MAD1L1: variants seen among roughly 807,000 people sequenced by gnomAD.
The protein encoded by MAD1L1 is mitotic spindle assembly checkpoint protein MAD1.
MAD1L1 carries 95 observed loss-of-function variants against 96.9 expected under a neutral mutation model. The observed-to-expected ratio is 0.98, with a 90% CI of 0.83 to 1.16. The LOEUF (loss-of-function observed/expected upper bound fraction) is 1.16. MAD1L1 is among the 50% of genes most tolerant of loss of function. The pLI is 0.00. For missense variants in MAD1L1, 1,007 were observed against 954.4 expected (o/e 1.06, Z -0.73); for synonymous variants, 473 against 396.6 (o/e 1.19, Z -2.29).
chr7:1,873,206 T>C (rs1444491370), intron 18 of MAD1L1, among the ~76,000 whole-genome samples: 2 of 152,136 alleles, frequency 1.3e-5, no homozygotes, highest in African/African-American at 4.8e-5. Flanking sequence ...CCACCGTAAA[T>C]GTGTGCAGGG....
chr7:1,927,093 G>C (rs1789131036), intron 17 of MAD1L1, among the ~76,000 whole-genome samples: 1 of 152,050 alleles, frequency 6.6e-6, no homozygotes, highest in African/African-American at 2.4e-5. Context: ...CTGAACACCT[G>C]GGACCCATAA....
chr7:2,176,449 T>C (rs1389515763), intron 10 of MAD1L1, among the ~76,000 whole-genome samples: 1 of 152,200 alleles, frequency 6.6e-6, no homozygotes, highest in Non-Finnish European at 1.5e-5. Flanking sequence ...TTTCACGTCG[T>C]ACCAGAGGTC....
At chr7:1,867,543 G>C (rs1784835890) in intron 18 of MAD1L1, among the ~76,000 whole-genome samples, 1 of 152,258 alleles carries the variant, frequency 6.6e-6, no homozygotes, top group Non-Finnish European at 1.5e-5. Flanking sequence ...TGTGCAGTGA[G>C]TAGGAGCGAG....
intron 12 of MAD1L1, among the ~76,000 whole-genome samples, chr7:2,028,135 A>G (rs1484399870): frequency 6.6e-6 from 1 of 152,142 alleles, no homozygotes; most frequent in Non-Finnish European, 1.5e-5. Context: ...GAAAATAAGT[A>G]TGACCTAAGG....
rs545028982 is a variant in MAD1L1, at chr7:2,006,828, C to A, written c.1360-4707G>T. Among the ~76,000 whole-genome samples, 20 of 152,282 alleles carry A rather than the reference C, an allele frequency of 1.3e-4. No homozygotes were observed. In the East Asian group the frequency reaches 3.9e-3, roughly 29 times the overall value. On this transcript the variant is annotated intron_variant, in intron 13 of 18. Coordinates refer to ENST00000265854, the MANE Select transcript of MAD1L1 (RefSeq NM_001013836.2). ...GCTTTGGGGGACAGGCTCTCATGGG[C>A]TCCAAAATGCGCTAGAACTTCTCCT...
chr7:1,923,532 C>A (rs543527748), intron 17 of MAD1L1, among the ~76,000 whole-genome samples: 1 of 152,276 alleles, frequency 6.6e-6, no homozygotes, highest in African/African-American at 2.4e-5. Flanking sequence ...GGCAATCCTG[C>A]GGAGGTACAG....
chr7:2,120,696 G>T (rs1436644872), intron 11 of MAD1L1, among the ~76,000 whole-genome samples: 1 of 152,254 alleles, frequency 6.6e-6, no homozygotes, highest in Admixed American at 6.5e-5. Context: ...ATAATTATCT[G>T]AGAGTATCAC....
At chr7:2,180,558 A>C (rs752558145) in intron 10 of MAD1L1, among the ~76,000 whole-genome samples, 13 of 152,234 alleles carry the variant, frequency 8.5e-5, no homozygotes, top group Non-Finnish European at 1.5e-4. Flanking sequence ...GAGGTTTTGT[A>C]ATAAAAATAG....
intron 16 of MAD1L1, among the ~76,000 whole-genome samples, 175 bp from the exon 17 acceptor site, chr7:1,937,072 G>C (rs1778655208): frequency 6.6e-6 from 1 of 152,362 alleles, no homozygotes; most frequent in South Asian, 2.1e-4. Flanking sequence ...CCTGGAAGGA[G>C]TGGCTCCTTC....
At chr7:1,821,134 T>C (rs1366517231) in intron 18 of MAD1L1, among the ~76,000 whole-genome samples, 1 of 140,634 alleles carries the variant, frequency 7.1e-6, no homozygotes, top group African/African-American at 2.7e-5. Flanking sequence ...AGAAATGAAA[T>C]GGAAATATTA....
intron 18 of MAD1L1, among the ~76,000 whole-genome samples, chr7:1,834,325 A>C (rs1270243520): frequency 1.3e-5 from 2 of 152,234 alleles, no homozygotes; most frequent in Non-Finnish European, 2.9e-5. Flanking sequence ...GATCAAAGCA[A>C]CAATGGTGAA....
intron 16 of MAD1L1, among the ~76,000 whole-genome samples, chr7:1,940,975 C>T (rs1327054029): frequency 1.3e-5 from 2 of 150,068 alleles, no homozygotes; most frequent in African/African-American, 4.9e-5. Flanking sequence ...CAGGCCTCAC[C>T]CTCCTCTTCC....
chr7:2,031,368 GT>G (rs1783219102), intron 12 of MAD1L1, among the ~76,000 whole-genome samples: 1 of 152,242 alleles, frequency 6.6e-6, no homozygotes, highest in Non-Finnish European at 1.5e-5. Flanking sequence ...AAAAGGGGCT[GT>G]TCTGGGCTCC....
intron 13 of MAD1L1, among the ~76,000 whole-genome samples, chr7:2,013,890 T>C (rs1328873021): frequency 6.6e-6 from 1 of 152,102 alleles, no homozygotes; most frequent in East Asian, 1.9e-4. Flanking sequence ...TGCTCAGAGC[T>C]AGACAAGGGC....
At chr7:2,087,894 G>A (rs1786005179) in intron 11 of MAD1L1, among the ~76,000 whole-genome samples, 1 of 152,196 alleles carries the variant, frequency 6.6e-6, no homozygotes. Flanking sequence ...GCTAGCAGCT[G>A]AAGGGAAAAC....
chr7:2,175,378 T>C (rs1242341803), intron 10 of MAD1L1: 1 of 151,278 alleles, frequency 6.6e-6, no homozygotes, highest in Non-Finnish European at 1.5e-5. Context: ...ACTCCCAAAT[T>C]AGCATTTGGT....
rs369685154 is a variant in MAD1L1, at chr7:2,036,920, G to A, written c.1219-22278C>T. ...ACTCATACCCACCAACGCGCACGAG[G>A]CACGCTCCGCCTCCTGAACACTCCT... On this transcript the variant is annotated intron_variant, in intron 12 of 18. Transcript: ENST00000265854. 3.3e-5 allele frequency among the ~76,000 whole-genome samples: 5 copies of A among 152,088 alleles called. No individual in the cohort carries two copies. The East Asian group carries it at 7.8e-4, about 24-fold the overall frequency.
At chr7:2,203,817 C>A (rs911169445) in intron 10 of MAD1L1, among the ~76,000 whole-genome samples, 1 of 152,180 alleles carries the variant, frequency 6.6e-6, no homozygotes, top group Non-Finnish European at 1.5e-5. Flanking sequence ...TCAGGCATTG[C>A]CTAGAAAGAC....
chr7:2,213,138 C>T (rs1181811221), intron 10 of MAD1L1, 74 bp downstream of exon 10: 19 of 1,513,534 alleles, frequency 1.3e-5, no homozygotes, highest in Middle Eastern at 1.8e-4. Flanking sequence ...GCTGGTGAGC[C>T]GGAAGCAGGC....
Sources: gnomAD v4.1 joint callset for allele counts (sites outside exome capture counted in the v4.1 genomes callset) on GRCh38, gnomAD v4.1.1 for gene constraint, MANE v1.5 for transcripts, NCBI Gene and HGNC (gene_info 2026-07-23, HGNC 2026-07-21) for gene names.